Variants in NAE1 observed in about 807,000 individuals in gnomAD.
NAE1 encodes NEDD8-activating enzyme E1 regulatory subunit.
NAE1 carries 59 observed loss-of-function variants against 88.0 expected under a neutral mutation model. The ratio of observed to expected loss-of-function variants is 0.67; its 90% confidence interval spans 0.54 to 0.83. The LOEUF is 0.83. Ranked by LOEUF, NAE1 falls within the 40% of genes least tolerant of loss-of-function variation. The pLI is 0.00. For synonymous variants in NAE1, 186 were observed against 208.9 expected, an observed-to-expected ratio of 0.89 and a Z score of 0.95; for missense variants, 554 against 632.8, an observed-to-expected ratio of 0.88 and a Z score of 1.34.
At chr16:66,823,624 C>T in intron 4 of NAE1, 24 bp from the exon 5 acceptor site, 1 of 1,577,040 alleles carries the variant, frequency 6.3e-7, no homozygotes, top group African/African-American at 1.4e-5. Context: ...AAGCATTTAA[C>T]TTGAATTAGA....
intron 13 of NAE1, among the ~76,000 whole-genome samples, chr16:66,811,696 C>T (rs564733631): frequency 6.6e-6 from 1 of 152,316 alleles, no homozygotes; most frequent in East Asian, 1.9e-4. Context: ...GCCACTGCAT[C>T]CGGCCATAAA....
intron 7 of NAE1, among the ~76,000 whole-genome samples, chr16:66,820,826 G>T (rs1052839400): frequency 6.6e-6 from 1 of 151,598 alleles, no homozygotes; most frequent in Admixed American, 6.6e-5. Flanking sequence ...GCGTGAACCC[G>T]GGAGGTGGAG....
rs66509263 is a variant in NAE1, at chr16:66,828,990, G to GA, written c.53+1856dup. On this transcript the variant is annotated intron_variant, in intron 1 of 19. Transcript: ENST00000290810. ...GGTCACAAAGTGAGACCTTGTCCCT[G>GA]AAAAAAAAAAAAAAAAGAATCCTGG... Among the ~76,000 whole-genome samples, 769 of 124,698 alleles carry GA rather than the reference G, an allele frequency of 6.2e-3. 3 individuals carry two copies. The highest frequency in any genetic ancestry group is 0.011 in the East Asian group (47 of 4,114). 81.8% of individuals were successfully genotyped at this position (124,698 alleles called of 152,430 possible). A position where few individuals can be genotyped will look rare whatever the true frequency, so the allele number is the denominator to read the frequency against.
chr16:66,823,670 G>C (rs3026085), intron 4 of NAE1, 70 bp from the exon 5 acceptor site: 15,428 of 1,227,358 alleles, frequency 0.013, 472 homozygotes, highest in South Asian at 0.093. Context: ...CCAATTTATG[G>C]AACAGGCAAA....
At position 66,827,062 on chromosome 16, in the gene NAE1, AAAAC is replaced by A. The variant is rs957355419; in HGVS notation, c.54-286_54-283del. ...GGGCACAAGAGCGACACTCTGTCTC[AAAAC>A]AAACAAACAAACATTTAAAAAGCGT... is the stretch of plus-strand genomic sequence containing the variant. On this transcript the variant is annotated intron_variant, in intron 1 of 19. Coordinates refer to ENST00000290810, the MANE Select transcript of NAE1 (RefSeq NM_003905.4). 1.9e-4 allele frequency among the ~76,000 whole-genome samples: 29 copies of A among 152,292 alleles called. No homozygotes were observed. In the Middle Eastern group the frequency reaches 0.01, roughly 54 times the overall value.
At chr16:66,823,443 G>A (rs754824240) in intron 5 of NAE1, 86 bp downstream of exon 5, 1 of 1,373,116 alleles carries the variant, frequency 7.3e-7, no homozygotes, top group Non-Finnish European at 1.0e-6. Flanking sequence ...ATGACACAAA[G>A]ATTCAAAATT....
intron 16 of NAE1, 87 bp downstream of exon 16, chr16:66,808,902 C>T: frequency 2.4e-6 from 2 of 832,264 alleles, no homozygotes; most frequent in Non-Finnish European, 1.8e-6. Context: ...ATATCATCAC[C>T]ATATACTCAA....
At chr16:66,816,733 T>C in intron 10 of NAE1, 61 bp from the exon 11 acceptor site, 1 of 1,357,060 alleles carries the variant, frequency 7.4e-7, no homozygotes, top group Non-Finnish European at 1.0e-6. Context: ...TGTTCCCCCA[T>C]TATAAAAATA....
intron 19 of NAE1, among the ~76,000 whole-genome samples, chr16:66,803,508 A>C (rs1455772813): frequency 6.6e-6 from 1 of 152,176 alleles, no homozygotes; most frequent in African/African-American, 2.4e-5. Flanking sequence ...ATTTACTCAA[A>C]ACAAAAAAAC....
intron 1 of NAE1, 122 bp downstream of exon 1, chr16:66,830,725 G>A (rs562352341): frequency 7.5e-6 from 7 of 934,496 alleles, no homozygotes; most frequent in African/African-American, 7.1e-5. Flanking sequence ...CGCCCCGCAC[G>A]GCCCGGCCCA....
intron 7 of NAE1, among the ~76,000 whole-genome samples, chr16:66,819,311 C>T (rs895865043): frequency 6.6e-6 from 1 of 152,166 alleles, no homozygotes; most frequent in African/African-American, 2.4e-5. Flanking sequence ...ACCTGATGGG[C>T]ATCCTTCACT....
chr16:66,816,756 C>T, intron 10 of NAE1, 84 bp from the exon 11 acceptor site: 2 of 1,291,642 alleles, frequency 1.5e-6, no homozygotes, highest in Admixed American at 4.8e-5. Flanking sequence ...CTTGTCAGAT[C>T]CTGCAGAATA....
chr16:66,806,151 A>G (rs926084645), intron 17 of NAE1, 125 bp from the exon 18 acceptor site: 134 of 1,142,468 alleles, frequency 1.2e-4, no homozygotes, highest in Non-Finnish European at 1.4e-4. Context: ...CAAAAATAAC[A>G]AAGTATGAGA....
chr16:66,804,446 T>G (rs182942853), intron 19 of NAE1, among the ~76,000 whole-genome samples: 88 of 152,340 alleles, frequency 5.8e-4, no homozygotes, highest in Admixed American at 2.6e-3. Flanking sequence ...AATAAATTAT[T>G]CTGAATCAGG....
chr16:66,820,154 A>G (rs1399614670), intron 7 of NAE1, among the ~76,000 whole-genome samples: 1 of 152,072 alleles, frequency 6.6e-6, no homozygotes, highest in Non-Finnish European at 1.5e-5. Flanking sequence ...CACAGATATT[A>G]CTCCTCAGTG....
At chr16:66,817,583 C>T in intron 8 of NAE1, 96 bp from the exon 9 acceptor site, 1 of 833,552 alleles carries the variant, frequency 1.2e-6, no homozygotes, top group Non-Finnish European at 1.8e-6. Context: ...TTATGATCTC[C>T]TAATATATGC....
At chr16:66,830,751 T>A in intron 1 of NAE1, 96 bp downstream of exon 1, 1 of 1,230,690 alleles carries the variant, frequency 8.1e-7, no homozygotes, top group Non-Finnish European at 1.1e-6. Flanking sequence ...GAAGAAGGCC[T>A]GAGGAAGGCC....
chr16:66,818,991 T>C (rs1960155801), intron 7 of NAE1, among the ~76,000 whole-genome samples: 1 of 152,206 alleles, frequency 6.6e-6, no homozygotes, highest in Non-Finnish European at 1.5e-5. Context: ...TCTTTGGCAA[T>C]ACTGATGACA....
At chr16:66,814,037 A>G (rs1323811827) in intron 11 of NAE1, among the ~76,000 whole-genome samples, 191 bp from the exon 12 acceptor site, 2 of 152,064 alleles carry the variant, frequency 1.3e-5, no homozygotes, top group Admixed American at 6.6e-5. Flanking sequence ...TGGAAGAAAG[A>G]CCTCTCCGGC....
Sources: allele counts gnomAD v4.1 joint callset (sites outside exome capture counted in the v4.1 genomes callset), GRCh38; gene constraint gnomAD v4.1.1; transcripts MANE v1.5; gene names NCBI Gene and HGNC (gene_info 2026-07-23, HGNC 2026-07-21).